C1QTNF2: variants seen among roughly 807,000 people sequenced by gnomAD.
C1QTNF2 encodes the protein C1q and TNF related 2.
A neutral mutation model predicts 17.4 loss-of-function variants in C1QTNF2; 15 were observed. The observed-to-expected ratio is 0.86, with a 90% CI of 0.58 to 1.33. The LOEUF (loss-of-function observed/expected upper bound fraction) is 1.33, where lower values mean the gene tolerates loss of function less well. Ranked by LOEUF, C1QTNF2 falls within the 40% of genes most tolerant of loss-of-function variation. The pLI is 0.00. For missense variants in C1QTNF2, 381 were observed against 392.3 expected (o/e 0.97, Z 0.24); for synonymous variants, 154 against 163.3 (o/e 0.94, Z 0.44).
intron 2 of C1QTNF2, among the ~76,000 whole-genome samples, chr5:160,351,356 CATATGA>C (rs1763919032): frequency 2.0e-5 from 3 of 152,168 alleles, no homozygotes; most frequent in Non-Finnish European, 4.4e-5. Context: ...TTGTTAGAAC[CATATGA>C]ACTGGGTCAA....
At position 160,370,553 on chromosome 5, in the gene C1QTNF2, G is replaced by T. The variant is rs200514334; in HGVS notation, c.-51C>A. 2.2e-4 allele frequency: 326 copies of T among 1,486,188 alleles called. 3 individuals carry two copies. In the East Asian group the frequency reaches 7.3e-3, roughly 33 times the overall value. The allele number at this position is 1,486,188 out of a possible 1,614,324, so 92.1% of individuals were successfully genotyped here. ...CACGTCCAGGGGCGTCCGGAGCAAA[G>T]AAGCTCTCGGCGGGGCTCCGCGTCC... On this transcript the variant is annotated 5_prime_UTR_variant, in exon 1 of 3. Transcript: ENST00000652664.
chr5:160,364,024 C>T (rs1764202916), intron 1 of C1QTNF2, among the ~76,000 whole-genome samples: 1 of 152,108 alleles, frequency 6.6e-6, no homozygotes, highest in African/African-American at 2.4e-5. Context: ...GTCTTGTAGT[C>T]ACATTAAAAA....
At chr5:160,364,861 C>A (rs1574350) in intron 1 of C1QTNF2, among the ~76,000 whole-genome samples, 12,496 of 152,214 alleles carry the variant, frequency 0.082, 634 homozygotes, top group East Asian at 0.19. Context: ...CGGGATGGTG[C>A]TCATCTCATC....
At chr5:160,359,684 C>T (rs1293641141) in intron 1 of C1QTNF2, among the ~76,000 whole-genome samples, 1 of 152,144 alleles carries the variant, frequency 6.6e-6, no homozygotes, top group African/African-American at 2.4e-5. Flanking sequence ...TTGGATTAGA[C>T]AAGGTGATGA....
chr5:160,369,799 G>A (rs1764316415), intron 1 of C1QTNF2, among the ~76,000 whole-genome samples: 1 of 152,174 alleles, frequency 6.6e-6, no homozygotes, highest in African/African-American at 2.4e-5. Flanking sequence ...CAATTATTTA[G>A]CTGAAAAGCG....
intron 1 of C1QTNF2, among the ~76,000 whole-genome samples, chr5:160,365,641 T>C (rs1764235011): frequency 6.6e-6 from 1 of 152,198 alleles, no homozygotes. Context: ...CGAGCTGGTC[T>C]GGTGGTTAAG....
chr5:160,351,327 G>A (rs926072802), intron 2 of C1QTNF2, among the ~76,000 whole-genome samples: 8 of 152,270 alleles, frequency 5.3e-5, no homozygotes, highest in Admixed American at 5.2e-4. Context: ...ATAATGACTT[G>A]AGTTCACTCG....
intron 2 of C1QTNF2, among the ~76,000 whole-genome samples, chr5:160,352,294 G>T (rs1407424876): frequency 1.3e-5 from 2 of 152,174 alleles, no homozygotes; most frequent in African/African-American, 4.8e-5. Flanking sequence ...TATATAATGT[G>T]CTTTCCTCTT....
chr5:160,352,017 C>A (rs1215117946), intron 2 of C1QTNF2, among the ~76,000 whole-genome samples: 1 of 151,086 alleles, frequency 6.6e-6, no homozygotes, highest in Non-Finnish European at 1.5e-5. Context: ...CTTGAGTAAT[C>A]TTCCTGCCTC....
At chr5:160,353,364 C>T (rs1763962084) in intron 2 of C1QTNF2, among the ~76,000 whole-genome samples, 1 of 152,158 alleles carries the variant, frequency 6.6e-6, no homozygotes, top group African/African-American at 2.4e-5. Context: ...ACGGAAAGGT[C>T]TGTAGAGTAT....
At chr5:160,361,913 T>C (rs568298979) in intron 1 of C1QTNF2, among the ~76,000 whole-genome samples, 1 of 152,324 alleles carries the variant, frequency 6.6e-6, no homozygotes, top group South Asian at 2.1e-4. Flanking sequence ...ATGTATTTGT[T>C]TGTTTCTTGA....
Position 160,366,337 on chromosome 5 carries a change from G to C in C1QTNF2, c.-10+4175C>G, listed in dbSNP as rs140888667. Among the ~76,000 whole-genome samples, 420 of 152,286 alleles carry C rather than the reference G, an allele frequency of 2.8e-3. 5 individuals carry two copies. Among genetic ancestry groups the C allele is most frequent in the East Asian group, 0.023 (119 of 5,182 alleles). Reference sequence around the variant, plus strand: ...CAGAGTAATTGTGAATATTTAATGAGATAATGCAGCAACCAGCCCACAGTA... The same window carrying C: ...CAGAGTAATTGTGAATATTTAATGACATAATGCAGCAACCAGCCCACAGTA... On this transcript the variant is annotated intron_variant, in intron 1 of 2. Coordinates refer to ENST00000652664, the MANE Select transcript of C1QTNF2 (RefSeq NM_031908.6).
Position 160,349,343 on chromosome 5 carries a change from C to T in C1QTNF2, c.683G>A (p.Gly228Asp). ...GGAGCCTGAGGCCACATCGTGGTTG[C>T]CGGTGTTGGCATCAAAGGTCCGGAT... ...YRIRTFDANTGNHDVASGSTI... is the reference protein window; with the variant it reads ...YRIRTFDANTDNHDVASGSTI... Residue 228 changes from glycine to aspartate, a missense_variant, in exon 3 of 3, where the codon GGC becomes GAC. By Grantham distance (94) the Gly-to-Asp change is moderately conservative. Coordinates refer to ENST00000652664, the MANE Select transcript of C1QTNF2 (RefSeq NM_031908.6). The surrounding 1 kb of genome is among the most constrained non-coding windows in gnomAD (Gnocchi z 4.3). The T allele has an allele frequency of 5.6e-6, 9 of 1,614,108 alleles. No homozygotes were observed. Among genetic ancestry groups the T allele is most frequent in the Non-Finnish European group, 7.6e-6 (9 of 1,180,028 alleles).
chr5:160,367,290 C>A (rs1417764750), intron 1 of C1QTNF2, among the ~76,000 whole-genome samples: 1 of 152,186 alleles, frequency 6.6e-6, no homozygotes, highest in African/African-American at 2.4e-5. Flanking sequence ...GCAGAAGGAT[C>A]TGGGCAGCAC....
chr5:160,359,665 G>T (rs1764115822), intron 1 of C1QTNF2, among the ~76,000 whole-genome samples: 1 of 152,184 alleles, frequency 6.6e-6, no homozygotes, highest in African/African-American at 2.4e-5. Flanking sequence ...TCCTTTGAGA[G>T]GCCCACACTT....
rs993558748 is a variant in C1QTNF2 at position 160,363,492 on chromosome 5, T to C, written c.-10+7020A>G. Among the ~76,000 whole-genome samples the C allele has an allele frequency of 3.0e-4, 45 of 152,214 alleles. 1 individual carries two copies. The highest frequency in any genetic ancestry group is 1.5e-5 in the Non-Finnish European group (1 of 68,046). The stretch of plus-strand genomic sequence containing the variant: ...TTCTGGTTCAGCCTAGAAAATGAGA[T>C]CCAAGGACACATCATGATCTAACAA... On this transcript the variant is annotated intron_variant, in intron 1 of 2. Transcript: ENST00000652664.
chr5:160,351,198 C>T (rs891767341), intron 2 of C1QTNF2, among the ~76,000 whole-genome samples: 2 of 152,188 alleles, frequency 1.3e-5, no homozygotes, highest in Admixed American at 1.3e-4. Context: ...TTTCATACTC[C>T]AATGTTTCAT....
intron 1 of C1QTNF2, among the ~76,000 whole-genome samples, chr5:160,363,583 T>C (rs1023211710): frequency 6.6e-6 from 1 of 152,214 alleles, no homozygotes; most frequent in Non-Finnish European, 1.5e-5. Flanking sequence ...TCAGCCTGTA[T>C]GTTAAAGCTG....
At chr5:160,351,668 T>C (rs1272937456) in intron 2 of C1QTNF2, among the ~76,000 whole-genome samples, 1 of 152,118 alleles carries the variant, frequency 6.6e-6, no homozygotes, top group Non-Finnish European at 1.5e-5. Context: ...TTAATAGTGG[T>C]TACCTCTGGA....
Sources: allele counts gnomAD v4.1 joint callset (sites outside exome capture counted in the v4.1 genomes callset), GRCh38; gene constraint gnomAD v4.1.1; non-coding constraint Gnocchi (gnomAD v3.1); transcripts MANE v1.5; gene names NCBI Gene and HGNC (gene_info 2026-07-23, HGNC 2026-07-21).